The following THSD4 variants were observed in gnomAD, a reference collection of about 807,000 sequenced individuals.
THSD4 encodes thrombospondin type 1 domain containing 4.
A neutral mutation model predicts 119.0 loss-of-function variants in THSD4; 69 were observed. The observed-to-expected ratio is 0.58, with a 90% CI of 0.48 to 0.71. The LOEUF (loss-of-function observed/expected upper bound fraction) is 0.71, where lower values mean the gene tolerates loss of function less well. Ranked by LOEUF, THSD4 falls within the 30% of genes least tolerant of loss-of-function variation. The pLI is 0.00. For synonymous variants in THSD4, 524 were observed against 540.4 expected (o/e 0.97, Z 0.42); for missense variants, 1,393 against 1,391.1 (o/e 1.00, Z -0.02).
intron 3 of THSD4, among the ~76,000 whole-genome samples, chr15:71,160,022 T>A (rs2043236821): frequency 6.6e-6 from 1 of 152,152 alleles, no homozygotes; most frequent in Non-Finnish European, 1.5e-5. Context: ...ACAGTTATTA[T>A]CATGAAGGAA....
At chr15:71,293,700 C>A (rs1232250796) in intron 6 of THSD4, among the ~76,000 whole-genome samples, 1 of 152,194 alleles carries the variant, frequency 6.6e-6, no homozygotes, top group African/African-American at 2.4e-5. Context: ...TCCAAGTTTG[C>A]TGAAATCTTT....
At chr15:71,292,951 C>T (rs1280341119) in intron 6 of THSD4, among the ~76,000 whole-genome samples, 14 of 152,156 alleles carry the variant, frequency 9.2e-5, no homozygotes, top group Middle Eastern at 3.2e-3. Context: ...GCTGGGATTA[C>T]GGGCATGAGC....
At chr15:71,199,804 G>GTGTGTGC (rs1555454634) in intron 3 of THSD4, among the ~76,000 whole-genome samples, 1 of 100,944 alleles carries the variant, frequency 9.9e-6, no homozygotes, top group Non-Finnish European at 2.2e-5. Context: ...TGTGTGTGCT[G>GTGTGTGC]TGTGTGTGTG....
intron 2 of THSD4, among the ~76,000 whole-genome samples, chr15:71,149,896 A>G (rs2040703362): frequency 6.6e-6 from 1 of 152,142 alleles, no homozygotes; most frequent in African/African-American, 2.4e-5. Context: ...CATGATGTAA[A>G]TCTTGTACCA....
intron 8 of THSD4, among the ~76,000 whole-genome samples, chr15:71,710,000 G>C (rs1436069003): frequency 6.6e-6 from 1 of 152,218 alleles, no homozygotes; most frequent in African/African-American, 2.4e-5. Flanking sequence ...TGCCTCTGAA[G>C]CTGCTCAGAT....
Position 71,277,785 on chromosome 15 carries a change from G to A in THSD4, c.1015+21070G>A, listed in dbSNP as rs529776861. Among the ~76,000 whole-genome samples, 126 of 152,180 alleles carry A rather than the reference G, an allele frequency of 8.3e-4. 1 individual carries two copies. The highest frequency in any genetic ancestry group is 2.9e-3 in the African/African-American group (121 of 41,498). On this transcript the variant is annotated intron_variant, in intron 6 of 17. Transcript: ENST00000261862. ...GCTCTATTGGAATCACTTTTCTCCT[G>A]GTGGTGTCCAGTGATCTTTGGATGG...
intron 6 of THSD4, among the ~76,000 whole-genome samples, chr15:71,356,365 C>T (rs962371574): frequency 6.6e-6 from 1 of 152,174 alleles, no homozygotes; most frequent in African/African-American, 2.4e-5. Flanking sequence ...ACTTATGACA[C>T]ACTTATTACA....
At chr15:71,654,872 C>CT (rs2051158807) in intron 7 of THSD4, among the ~76,000 whole-genome samples, 2 of 152,200 alleles carry the variant, frequency 1.3e-5, no homozygotes, top group Admixed American at 6.5e-5. Flanking sequence ...GACACATCTG[C>CT]TTCCCATTAG....
At chr15:71,108,923 C>T (rs1436043963) in intron 1 of THSD4, among the ~76,000 whole-genome samples, 4 of 152,116 alleles carry the variant, frequency 2.6e-5, no homozygotes, top group African/African-American at 9.7e-5. Flanking sequence ...ATGTGAGAGG[C>T]GGAGGTTGCA....
intron 4 of THSD4, among the ~76,000 whole-genome samples, chr15:71,237,547 C>T (rs1220667827): frequency 6.6e-6 from 1 of 152,186 alleles, no homozygotes; most frequent in Non-Finnish European, 1.5e-5. Context: ...ACCACATCAG[C>T]TTCATCTGGG....
chr15:71,717,787 T>G (rs1211174840), intron 8 of THSD4, among the ~76,000 whole-genome samples: 1 of 152,114 alleles, frequency 6.6e-6, no homozygotes, highest in Non-Finnish European at 1.5e-5. Context: ...CTGCCAGCAT[T>G]ACTTGGCAAT....
chr15:71,508,149 G>A (rs1220724441), intron 7 of THSD4, among the ~76,000 whole-genome samples: 2 of 152,172 alleles, frequency 1.3e-5, no homozygotes, highest in Non-Finnish European at 2.9e-5. Context: ...AATTCATATA[G>A]CTCATGTTGA....
chr15:71,766,221 T>C (rs963411642), intron 16 of THSD4, among the ~76,000 whole-genome samples: 1 of 152,120 alleles, frequency 6.6e-6, no homozygotes, highest in Non-Finnish European at 1.5e-5. Context: ...GAGTTCATTT[T>C]CAAGAAACTT....
chr15:71,738,279 A>C lies in THSD4; in HGVS notation c.1906+272A>C, dbSNP rs1397699201. The stretch of plus-strand genomic sequence containing the variant: ...CAATAGGGTTCACGCTCCTATGAGA[A>C]TGTAACGCCACCACTGATCTCGCCC... On this transcript the variant is annotated intron_variant, in intron 11 of 17. Coordinates refer to ENST00000261862, the MANE Select transcript of THSD4 (RefSeq NM_024817.3). The C allele has an allele frequency of 8.8e-5, 34 of 387,898 alleles. No individual in the cohort carries two copies. The South Asian group carries it at 1.3e-3, about 15-fold the overall frequency. 24.0% of individuals were successfully genotyped at this position (387,898 alleles called of 1,614,324 possible).
chr15:71,217,280 G>T (rs2043940829), intron 4 of THSD4, among the ~76,000 whole-genome samples: 1 of 152,086 alleles, frequency 6.6e-6, no homozygotes, highest in African/African-American at 2.4e-5. Flanking sequence ...TTCTCACCAA[G>T]CAGGATACAA....
chr15:71,490,759 A>C (rs965303285), intron 7 of THSD4, among the ~76,000 whole-genome samples: 1 of 152,130 alleles, frequency 6.6e-6, no homozygotes, highest in Admixed American at 6.5e-5. Flanking sequence ...TATAAGTTGT[A>C]CTATACAGGT....
At chr15:71,442,656 G>GTA (rs71154771) in intron 7 of THSD4, among the ~76,000 whole-genome samples, 5,266 of 30,478 alleles carry the variant, frequency 0.17, 1,376 homozygotes, top group Non-Finnish European at 0.3. Context: ...GTGTGTGTGT[G>GTA]TGTGTATATA....
intron 7 of THSD4, among the ~76,000 whole-genome samples, chr15:71,441,686 T>C (rs7171929): frequency 0.97 from 147,240 of 152,042 alleles, 71,400 homozygotes; most frequent in East Asian, 1. Context: ...AGCCACCATG[T>C]CCAGCCTCAC....
intron 7 of THSD4, among the ~76,000 whole-genome samples, chr15:71,486,081 C>CA (rs2047811791): frequency 6.6e-6 from 1 of 152,102 alleles, no homozygotes; most frequent in South Asian, 2.1e-4. Context: ...AGTTTAGGGA[C>CA]ATGTGGAGTT....
Sources: allele counts gnomAD v4.1 joint callset (sites outside exome capture counted in the v4.1 genomes callset), GRCh38; gene constraint gnomAD v4.1.1; transcripts MANE v1.5; gene names NCBI Gene and HGNC (gene_info 2026-07-23, HGNC 2026-07-21).